Variants in ERBB4 observed in about 807,000 individuals in gnomAD.
The protein encoded by ERBB4 is receptor tyrosine-protein kinase erbB-4.
In ERBB4, 42 loss-of-function variants were observed where a neutral mutation model predicts 158.0. The ratio of observed to expected loss-of-function variants is 0.27; its 90% confidence interval spans 0.21 to 0.34. The LOEUF is 0.34. Among genes scored for constraint, ERBB4 ranks in the 10% least tolerant of loss-of-function variants. The pLI is 1.00. For synonymous variants in ERBB4, 583 were observed against 558.7 expected (o/e 1.04, Z -0.61); for missense variants, 1,333 against 1,624.1 (o/e 0.82, Z 3.08).
At chr2:211,673,474 C>T (rs934397655) in intron 13 of ERBB4, among the ~76,000 whole-genome samples, 1 of 125,840 alleles carries the variant, frequency 7.9e-6, no homozygotes, top group Non-Finnish European at 1.7e-5. Flanking sequence ...ATGTTAGACT[C>T]ATTCTGGAAA....
intron 1 of ERBB4, among the ~76,000 whole-genome samples, chr2:212,292,104 CTG>C (rs2086229047): frequency 6.6e-6 from 1 of 151,798 alleles, no homozygotes; most frequent in Non-Finnish European, 1.5e-5. Context: ...TTCTGAAAAA[CTG>C]AAACAATTTT....
At chr2:212,025,692 C>T (rs1034291789) in intron 2 of ERBB4, among the ~76,000 whole-genome samples, 1 of 151,618 alleles carries the variant, frequency 6.6e-6, no homozygotes, top group Non-Finnish European at 1.5e-5. Flanking sequence ...ATGAGAGCTT[C>T]CCTGAGAAAA....
intron 1 of ERBB4, among the ~76,000 whole-genome samples, chr2:212,197,660 C>G (rs746408158): frequency 3.3e-5 from 5 of 152,088 alleles, no homozygotes; most frequent in Non-Finnish European, 7.4e-5. Flanking sequence ...GTTTATAACT[C>G]CAGATTTTGT....
At chr2:212,398,131 TACACATATATATATAC>T (rs1487865911) in intron 1 of ERBB4, among the ~76,000 whole-genome samples, 10 of 151,498 alleles carry the variant, frequency 6.6e-5, no homozygotes, top group African/African-American at 2.2e-4. Context: ...TGTATATATA[TACACATATATATATAC>T]ACACATATAT....
rs538074698 is a variant in ERBB4 at position 212,102,131 on chromosome 2, T to G, written c.234+22621A>C. ...ATATATATGTCAGGTCAGATCAACT[T>G]GTTTTAATAATTCTATCTTCCTTTA... On this transcript the variant is annotated intron_variant, in intron 2 of 27. Transcript: ENST00000342788. 2.8e-5 allele frequency among the ~76,000 whole-genome samples: 4 copies of G among 142,658 alleles called. No individual in the cohort carries two copies. The South Asian group carries it at 6.6e-4, about 24-fold the overall frequency. The allele number at this position is 142,658 out of a possible 152,430, so 93.6% of individuals were successfully genotyped here.
At position 211,383,850 on chromosome 2, in the gene ERBB4, T is replaced by G. The variant is rs768598448; in HGVS notation, c.3692A>C (p.Glu1231Ala). ...YLKNNILSMP[E>A]KAKKAFDNPD... is the part of the protein sequence containing the mutation. Reference sequence around the variant, plus strand: ...GTTGTCAAACGCTTTCTTGGCCTTCTCTGGCATTGACAGTATGTTGTTCTT... The same window carrying G: ...GTTGTCAAACGCTTTCTTGGCCTTCGCTGGCATTGACAGTATGTTGTTCTT... The change falls in exon 28 of 28, where the codon GAG becomes GCG. Residue 1231 changes from glutamate to alanine, a missense_variant. This residue lies in a region of ERBB4 where 84 missense variants were observed against 110.8 expected (regional missense o/e 0.76). Transcript: ENST00000342788. The G allele has an allele frequency of 6.2e-7, 1 of 1,614,188 alleles. No homozygotes were observed. Among genetic ancestry groups the G allele is most frequent in the South Asian group, 1.1e-5 (1 of 91,080 alleles).
intron 20 of ERBB4, among the ~76,000 whole-genome samples, chr2:211,464,324 T>A (rs566250180): frequency 1.3e-5 from 2 of 152,204 alleles, no homozygotes; most frequent in African/African-American, 4.8e-5. Context: ...GATGAGGCAC[T>A]GCGTAGAGTT....
At chr2:211,807,730 A>G (rs2076653580) in intron 3 of ERBB4, among the ~76,000 whole-genome samples, 1 of 152,166 alleles carries the variant, frequency 6.6e-6, no homozygotes. Context: ...GAACTAGTTT[A>G]CACTCCCACC....
At chr2:212,447,774 TTGTG>T (rs3040357) in intron 1 of ERBB4, among the ~76,000 whole-genome samples, 2,061 of 147,156 alleles carry the variant, frequency 0.014, 41 homozygotes, top group African/African-American at 0.046. Flanking sequence ...TCATAAAAGA[TTGTG>T]TGTGTGTGTG....
At chr2:211,737,471 C>T (rs942487154) in intron 5 of ERBB4, among the ~76,000 whole-genome samples, 9 of 152,242 alleles carry the variant, frequency 5.9e-5, no homozygotes, top group African/African-American at 1.9e-4. Context: ...TGAGATAATA[C>T]ATGTGAAACT....
In ERBB4 at chr2:212,536,199, A is replaced by T. The variant is rs565688338; in HGVS notation, c.82+2250T>A. 6.6e-5 allele frequency among the ~76,000 whole-genome samples: 10 copies of T among 152,224 alleles called. 2 individuals carry two copies. The highest frequency in any genetic ancestry group is 2.2e-4 in the African/African-American group (9 of 41,524). The stretch of plus-strand genomic sequence containing the variant: ...TAGTTGGGAACACACAGCCACACAC[A>T]TACATAGGCACAAACACACACAGCC... On this transcript the variant is annotated intron_variant, in intron 1 of 27. Coordinates refer to ENST00000342788, the MANE Select transcript of ERBB4 (RefSeq NM_005235.3).
At chr2:211,499,341 G>T (rs990172529) in intron 20 of ERBB4, among the ~76,000 whole-genome samples, 2 of 151,966 alleles carry the variant, frequency 1.3e-5, no homozygotes, top group African/African-American at 4.8e-5. Flanking sequence ...TGGACAACAT[G>T]GTGAAACCCC....
At chr2:212,010,209 A>G (rs2076352018) in intron 2 of ERBB4, among the ~76,000 whole-genome samples, 1 of 152,038 alleles carries the variant, frequency 6.6e-6, no homozygotes, top group Non-Finnish European at 1.5e-5. Context: ...TGCCTCTCCC[A>G]CTAGACTATG....
At chr2:212,440,886 A>T (rs1560328578) in intron 1 of ERBB4, among the ~76,000 whole-genome samples, 2 of 152,198 alleles carry the variant, frequency 1.3e-5, no homozygotes, top group African/African-American at 4.8e-5. Context: ...AAAGTGATGA[A>T]AGAAAATGAT....
intron 1 of ERBB4, among the ~76,000 whole-genome samples, chr2:212,439,083 A>G (rs909392118): frequency 3.9e-5 from 6 of 152,168 alleles, no homozygotes; most frequent in African/African-American, 1.4e-4. Context: ...GTAAGTAAGC[A>G]CTAGCTTTGA....
chr2:211,833,764 C>A (rs2077276115), intron 3 of ERBB4, among the ~76,000 whole-genome samples: 3 of 151,902 alleles, frequency 2.0e-5, no homozygotes, highest in African/African-American at 7.2e-5. Context: ...CAGGTTTCCA[C>A]TGAGTCATTC....
intron 3 of ERBB4, among the ~76,000 whole-genome samples, chr2:211,791,020 A>G (rs1287525694): frequency 6.6e-6 from 1 of 151,920 alleles, no homozygotes; most frequent in Admixed American, 6.6e-5. Context: ...GTAACTTTAC[A>G]TTTTTAAAAT....
chr2:211,529,792 C>G (rs2066446982), intron 20 of ERBB4, among the ~76,000 whole-genome samples: 1 of 152,064 alleles, frequency 6.6e-6, no homozygotes, highest in South Asian at 2.1e-4. Context: ...TGATAAAATT[C>G]AAAATCCTTT....
intron 3 of ERBB4, among the ~76,000 whole-genome samples, chr2:211,811,383 G>A (rs529429411): frequency 5.9e-5 from 9 of 152,132 alleles, no homozygotes; most frequent in South Asian, 2.1e-4. Context: ...CGAGAGATCC[G>A]CTGCTAGGCT....
Sources: gnomAD v4.1 joint callset for allele counts (sites outside exome capture counted in the v4.1 genomes callset) on GRCh38, gnomAD v4.1.1 for gene constraint, gnomAD v4.1.1 regional missense constraint, MANE v1.5 for transcripts, NCBI Gene and HGNC (gene_info 2026-07-23, HGNC 2026-07-21) for gene names.